DPF3: variants seen among roughly 807,000 people sequenced by gnomAD.
DPF3 encodes the protein double PHD fingers 3.
Under a neutral mutation model 56.8 loss-of-function variants are expected in DPF3, and 18 were observed. The observed-to-expected ratio is 0.32, with a 90% CI of 0.22 to 0.47. The LOEUF is 0.47. DPF3 is among the 20% of genes least tolerant of loss of function. The probability of loss-of-function intolerance (pLI) is 1.00; values close to 1 mark genes in which losing one functional copy is unlikely to be tolerated. For missense variants in DPF3, 403 were observed against 488.8 expected (o/e 0.82, Z 1.65); for synonymous variants, 188 against 180.2 (o/e 1.04, Z -0.35).
At chr14:72,655,553 T>G (rs1319153601) in intron 8 of DPF3, among the ~76,000 whole-genome samples, 1 of 152,232 alleles carries the variant, frequency 6.6e-6, no homozygotes, top group Non-Finnish European at 1.5e-5. Flanking sequence ...GGTGGCCTTT[T>G]GGCCTTACTG....
intron 4 of DPF3, among the ~76,000 whole-genome samples, chr14:72,729,827 T>C (rs1310244993): frequency 1.3e-5 from 2 of 152,166 alleles, no homozygotes; most frequent in Non-Finnish European, 2.9e-5. Context: ...GAAACTTCTG[T>C]ATGATACCGT....
At chr14:72,781,996 C>T (rs946767453) in intron 1 of DPF3, among the ~76,000 whole-genome samples, 1 of 152,142 alleles carries the variant, frequency 6.6e-6, no homozygotes, top group African/African-American at 2.4e-5. Flanking sequence ...CTTCCTGAAA[C>T]TCTCACTATG....
intron 8 of DPF3, among the ~76,000 whole-genome samples, chr14:72,636,312 A>G (rs1885382516): frequency 6.6e-6 from 1 of 151,980 alleles, no homozygotes; most frequent in Non-Finnish European, 1.5e-5. Context: ...GCATTTATGC[A>G]AAGTATAGTC....
chr14:72,846,682 C>G (rs1214383584), intron 1 of DPF3, among the ~76,000 whole-genome samples: 1 of 152,070 alleles, frequency 6.6e-6, no homozygotes, highest in Non-Finnish European at 1.5e-5. Flanking sequence ...CCTGCCTCAG[C>G]CTCCCAAAGT....
Position 72,892,307 on chromosome 14 carries a change from C to A in DPF3, c.32+1750G>T, listed in dbSNP as rs1415852046. On this transcript the variant is annotated intron_variant, in intron 1 of 10. Transcript: ENST00000556509. The stretch of plus-strand genomic sequence containing the variant: ...GCGAAAGCAACCGGCAGCGAGGATG[C>A]GGCGAAGTTACGCCCATTTATTCTG... The A allele has an allele frequency of 8.5e-6, 13 of 1,535,410 alleles. No individual in the cohort carries two copies. In the South Asian group the frequency reaches 1.3e-4, roughly 15 times the overall value.
intron 1 of DPF3, among the ~76,000 whole-genome samples, chr14:72,805,139 G>C (rs1882705572): frequency 6.6e-6 from 1 of 151,296 alleles, no homozygotes; most frequent in South Asian, 2.1e-4. Flanking sequence ...TGCCTATACA[G>C]GCCATGACTG....
intron 1 of DPF3, among the ~76,000 whole-genome samples, chr14:72,840,382 A>G (rs1884496346): frequency 6.6e-6 from 1 of 152,112 alleles, no homozygotes; most frequent in Non-Finnish European, 1.5e-5. Flanking sequence ...CATATGTATA[A>G]TTTATTCAAA....
At chr14:72,818,139 G>A (rs1013231782) in intron 1 of DPF3, among the ~76,000 whole-genome samples, 1 of 151,860 alleles carries the variant, frequency 6.6e-6, no homozygotes, top group Non-Finnish European at 1.5e-5. Flanking sequence ...TATTCAAATG[G>A]CTGAGGCACA....
At chr14:72,656,032 C>T (rs775191082) in intron 8 of DPF3, among the ~76,000 whole-genome samples, 1 of 152,150 alleles carries the variant, frequency 6.6e-6, no homozygotes, top group Admixed American at 6.5e-5. Context: ...CTCCTGTGCT[C>T]CCTGGAGACC....
intron 1 of DPF3, among the ~76,000 whole-genome samples, chr14:72,810,235 T>C (rs1374724148): frequency 2.6e-5 from 4 of 152,114 alleles, no homozygotes; most frequent in South Asian, 4.1e-4. Context: ...TCCAGCAACA[T>C]ACCCGCCCCA....
chr14:72,826,158 A>C (rs1883791627), intron 1 of DPF3, among the ~76,000 whole-genome samples: 1 of 152,230 alleles, frequency 6.6e-6, no homozygotes, highest in Non-Finnish European at 1.5e-5. Flanking sequence ...AAAGTTGAAT[A>C]GCATGTCAGA....
At chr14:72,885,443 G>A (rs1266947523) in intron 1 of DPF3, among the ~76,000 whole-genome samples, 1 of 151,974 alleles carries the variant, frequency 6.6e-6, no homozygotes, top group Non-Finnish European at 1.5e-5. Context: ...CACCCAGGCT[G>A]GAGTACATGG....
At chr14:72,622,960 G>A (rs1884552638) in intron 9 of DPF3, among the ~76,000 whole-genome samples, 1 of 152,058 alleles carries the variant, frequency 6.6e-6, no homozygotes, top group African/African-American at 2.4e-5. Flanking sequence ...CATCAATAAG[G>A]GAATGGTTGG....
chr14:72,756,906 A>AAAGAAAG (rs1481374037), intron 2 of DPF3, among the ~76,000 whole-genome samples: 4 of 74,660 alleles, frequency 5.4e-5, no homozygotes, highest in African/African-American at 1.3e-4. Context: ...AGAAAAGAAA[A>AAAGAAAG]AAAGAAAGAA....
intron 4 of DPF3, among the ~76,000 whole-genome samples, chr14:72,725,826 T>C (rs751913046): frequency 7.9e-5 from 12 of 152,150 alleles, no homozygotes; most frequent in Non-Finnish European, 1.8e-4. Context: ...TGTTCTGCTC[T>C]AAATCACAGG....
chr14:72,892,439 AG>A, intron 1 of DPF3: 1 of 1,447,066 alleles, frequency 6.9e-7, no homozygotes, highest in Non-Finnish European at 9.0e-7. Flanking sequence ...GATCAGCCTC[AG>A]CTTCCAACGT....
At chr14:72,740,365 G>A (rs965266940) in intron 3 of DPF3, among the ~76,000 whole-genome samples, 35 of 152,360 alleles carry the variant, frequency 2.3e-4, no homozygotes, top group Middle Eastern at 3.4e-3. Flanking sequence ...GCAGATGTGG[G>A]GTGACCAGTG....
intron 8 of DPF3, among the ~76,000 whole-genome samples, chr14:72,655,107 A>G (rs1886026191): frequency 6.6e-6 from 1 of 152,202 alleles, no homozygotes; most frequent in Non-Finnish European, 1.5e-5. Context: ...CCCAAACTCC[A>G]TAATATGTAT....
chr14:72,757,972 A>G (rs1429338985), intron 2 of DPF3, among the ~76,000 whole-genome samples: 1 of 152,146 alleles, frequency 6.6e-6, no homozygotes, highest in East Asian at 1.9e-4. Context: ...GCTAAAAAAA[A>G]TTACCTAGAG....
Sources: allele counts gnomAD v4.1 joint callset (sites outside exome capture counted in the v4.1 genomes callset), GRCh38; gene constraint gnomAD v4.1.1; transcripts MANE v1.5; gene names NCBI Gene and HGNC (gene_info 2026-07-23, HGNC 2026-07-21).